RFX1: variants seen among roughly 807,000 people sequenced by gnomAD.
The protein encoded by RFX1 is MHC class II regulatory factor RFX1.
RFX1 carries 42 observed loss-of-function variants against 119.6 expected under a neutral mutation model. That is an observed-to-expected ratio of 0.35 (90% CI 0.27 to 0.45). The LOEUF is 0.45. Among genes scored for constraint, RFX1 ranks in the 20% least tolerant of loss-of-function variants. RFX1 has a pLI of 1.00. For missense variants in RFX1, 1,118 were observed against 1,368.1 expected (o/e 0.82, Z 2.88); for synonymous variants, 628 against 618.5 (o/e 1.02, Z -0.23).
intron 1 of RFX1, among the ~76,000 whole-genome samples, chr19:14,004,908 T>C (rs577727274): frequency 2.6e-5 from 4 of 152,254 alleles, no homozygotes; most frequent in Admixed American, 2.0e-4. Context: ...GATTCTCCTC[T>C]CACAAACATG....
intron 1 of RFX1, among the ~76,000 whole-genome samples, chr19:14,005,816 G>GC (rs1457731849): frequency 8.0e-6 from 1 of 124,520 alleles, no homozygotes; most frequent in Non-Finnish European, 1.7e-5. Context: ...CCCCAGGCCC[G>GC]CCCCTTCGCG....
rs918678404 is a variant in RFX1 at position 13,968,427 on chromosome 19, C to T, written c.1732+138G>A. On this transcript the variant is annotated intron_variant, in intron 12 of 20. Transcript: ENST00000254325. This position sits in a 1 kb window ranked among gnomAD's most constrained non-coding sequence, Gnocchi z 5.5. ...TGGACGGAGACTGTGATGTCTCCCC[C>T]ACCCCCTGCTGGTTCTCGGGCATCT... 7.3e-6 allele frequency: 5 copies of T among 688,714 alleles called. No individual in the cohort carries two copies. Among genetic ancestry groups the T allele is most frequent in the South Asian group, 1.6e-5 (1 of 61,288 alleles). The allele number at this position is 688,714 out of a possible 1,614,324, so 42.7% of individuals were successfully genotyped here.
rs989583527 is a variant in RFX1, at chr19:13,985,632, G to A, written c.320-2037C>T. On this transcript the variant is annotated intron_variant, in intron 2 of 20. Transcript: ENST00000254325. The surrounding 1 kb of genome is among the most constrained non-coding windows in gnomAD (Gnocchi z 4.3). Reference sequence around the variant, plus strand: ...CGAACCTCATACCACATATGGAACCGGAGTCACTGGTTCTGCCTGGGCTGC... The same window carrying A: ...CGAACCTCATACCACATATGGAACCAGAGTCACTGGTTCTGCCTGGGCTGC... Among the ~76,000 whole-genome samples the A allele has an allele frequency of 3.9e-5, 6 of 152,238 alleles. No homozygotes were observed. Among genetic ancestry groups the A allele is most frequent in the African/African-American group, 7.2e-5 (3 of 41,452 alleles).
In RFX1 at chr19:13,993,833, T is replaced by C. The variant is rs1974894722; in HGVS notation, c.11A>G (p.Gln4Arg). The C allele has an allele frequency of 1.9e-6, 3 of 1,546,580 alleles. No individual in the cohort carries two copies. The highest frequency in any genetic ancestry group is 2.6e-6 in the Non-Finnish European group (3 of 1,154,432). The change falls in exon 2 of 21, where the codon CAG becomes CGG. Residue 4 changes from glutamine (Q) to arginine (R), a missense_variant. Around this residue, in one of 5 missense-constraint regions of RFX1, gnomAD observed 542 missense variants for 602.7 expected, o/e 0.90. Transcript: ENST00000254325. ...GGCTGCCTGTAGCTCAGTATACGCC[T>C]GTGTTGCCATGCCAACGGTGGGGAA... MAT[Q>R]AYTELQAAPP... is the part of the protein sequence containing the mutation.
chr19:13,988,867 C>T (rs1389917886), intron 2 of RFX1, among the ~76,000 whole-genome samples: 7 of 151,972 alleles, frequency 4.6e-5, no homozygotes, highest in African/African-American at 1.5e-4. Flanking sequence ...CCAAAAAATA[C>T]AAAAATTACC....
Position 13,978,093 on chromosome 19 carries a change from C to T in RFX1, c.835-7G>A. 1 of 1,610,464 alleles carries T rather than the reference C, an allele frequency of 6.2e-7. No individual in the cohort carries two copies. The highest frequency in any genetic ancestry group is 8.5e-7 in the Non-Finnish European group (1 of 1,177,718). On this transcript the variant is annotated splice_polypyrimidine_tract_variant and splice_region_variant and intron_variant, in intron 7 of 20. Coordinates refer to ENST00000254325, the MANE Select transcript of RFX1 (RefSeq NM_002918.5). Reference sequence around the variant, plus strand: ...CCTGCTGGAGCTGCTGCACCTGGGGCAGAGGAAGGGCACGTGGAGGGTCAG... The same window carrying T: ...CCTGCTGGAGCTGCTGCACCTGGGGTAGAGGAAGGGCACGTGGAGGGTCAG...
intron 1 of RFX1, among the ~76,000 whole-genome samples, chr19:14,002,037 G>A (rs1012430772): frequency 2.0e-5 from 3 of 152,196 alleles, no homozygotes; most frequent in Non-Finnish European, 4.4e-5. Context: ...TCGGGAGGCT[G>A]AGGCAGGAGA....
intron 8 of RFX1, among the ~76,000 whole-genome samples, chr19:13,976,428 C>T (rs1342407157): frequency 3.9e-5 from 6 of 152,184 alleles, no homozygotes; most frequent in Non-Finnish European, 5.9e-5. Context: ...CATGGAGGAC[C>T]CCCGGCGAGG....
chr19:13,992,133 C>T (rs1974827039), intron 2 of RFX1, among the ~76,000 whole-genome samples: 3 of 152,146 alleles, frequency 2.0e-5, no homozygotes, highest in Admixed American at 2.0e-4. Flanking sequence ...CTCCGTCCAC[C>T]ACAGAGCACA....
chr19:13,979,427 T>G lies in RFX1; in HGVS notation c.834+20A>C. The G allele has an allele frequency of 6.6e-7, 1 of 1,512,884 alleles. No individual in the cohort carries two copies. Among genetic ancestry groups the G allele is most frequent in the East Asian group, 2.4e-5 (1 of 41,028 alleles). 93.7% of individuals were successfully genotyped at this position (1,512,884 alleles called of 1,614,324 possible). A position where few individuals can be genotyped will look rare whatever the true frequency, so the allele number is the denominator to read the frequency against. On this transcript the variant is annotated intron_variant, in intron 7 of 20. Transcript: ENST00000254325. The stretch of plus-strand genomic sequence containing the variant: ...GGGACCAGCCCCTTTGCCCGTGGGG[T>G]AGGAGGGGGAGACACACACCTCTTG...
At chr19:13,975,197 A>G (rs915996881) in intron 8 of RFX1, among the ~76,000 whole-genome samples, 1 of 151,950 alleles carries the variant, frequency 6.6e-6, no homozygotes, top group Non-Finnish European at 1.5e-5. Context: ...CTCTACTGAA[A>G]ATACAAAAAG....
intron 1 of RFX1, among the ~76,000 whole-genome samples, chr19:13,996,898 G>T (rs1394160612): frequency 6.6e-6 from 1 of 151,902 alleles, no homozygotes; most frequent in Non-Finnish European, 1.5e-5. Context: ...TAATTTTCGT[G>T]TTTTTAGTGG....
intron 1 of RFX1, among the ~76,000 whole-genome samples, chr19:13,997,062 G>A (rs1011175333): frequency 5.3e-5 from 8 of 149,570 alleles, no homozygotes; most frequent in East Asian, 3.9e-4. Flanking sequence ...GCATCTTGCC[G>A]GTCTTCCAAC....
At chr19:13,981,937 G>A (rs1397275293) in intron 5 of RFX1, among the ~76,000 whole-genome samples, 184 bp downstream of exon 5, 3 of 152,240 alleles carry the variant, frequency 2.0e-5, no homozygotes, top group Non-Finnish European at 4.4e-5. Flanking sequence ...CAGGAATTGG[G>A]CAGCTAAGCC....
chr19:14,000,564 A>G (rs1010062363), intron 1 of RFX1, among the ~76,000 whole-genome samples: 2 of 152,202 alleles, frequency 1.3e-5, no homozygotes, highest in Non-Finnish European at 2.9e-5. Flanking sequence ...TGGGAGTCCA[A>G]GATTGGAGGA....
intron 2 of RFX1, among the ~76,000 whole-genome samples, chr19:13,991,467 T>A (rs1264036999): frequency 6.6e-6 from 1 of 152,078 alleles, no homozygotes; most frequent in Non-Finnish European, 1.5e-5. Context: ...GGGCACTAAG[T>A]GTGGCGCTCA....
chr19:13,970,149 C>T lies in RFX1; in HGVS notation c.1341G>A (p.Glu447=), dbSNP rs767181663. ...ATVQWLLDNY[E]TAEGVSLPRS... ...GTGGCAGACTCACGCCCTCAGCCGT[C>T]TCATAGTTGTCCAGGAGCCACTGGA... Residue 447 remains glutamate, a synonymous_variant, in exon 10 of 21, where the codon GAG becomes GAA. Transcript: ENST00000254325. 30 of 1,612,146 alleles carry T rather than the reference C, an allele frequency of 1.9e-5. No homozygotes were observed. Among genetic ancestry groups the T allele is most frequent in the Non-Finnish European group, 2.4e-5 (28 of 1,178,952 alleles).
At position 13,969,716 on chromosome 19, in the gene RFX1, C is replaced by T. The variant is rs1197672046; in HGVS notation, c.1496+278G>A. 1.3e-5 allele frequency: 5 copies of T among 381,886 alleles called. No homozygotes were observed. Among genetic ancestry groups the T allele is most frequent in the Non-Finnish European group, 2.3e-5 (5 of 213,670 alleles). The allele number at this position is 381,886 out of a possible 1,614,324, so 23.7% of individuals were successfully genotyped here. On this transcript the variant is annotated intron_variant, in intron 10 of 20. Coordinates refer to ENST00000254325, the MANE Select transcript of RFX1 (RefSeq NM_002918.5). The surrounding 1 kb of genome is among the most constrained non-coding windows in gnomAD (Gnocchi z 4.5). ...CTGAATGCTAAAGAGAAAAATAAAG[C>T]AGGGTTGGGGGGTGTCGGGCAGGGG...
At position 13,993,838 on chromosome 19, in the gene RFX1, T is replaced by G; in HGVS notation, c.6A>C (p.Ala2=). 1 of 1,551,192 alleles carries G rather than the reference T, an allele frequency of 6.4e-7. No homozygotes were observed. The highest frequency in any genetic ancestry group is 8.6e-7 in the Non-Finnish European group (1 of 1,156,890). Residue 2 remains alanine, a synonymous_variant, in exon 2 of 21, where the codon GCA becomes GCC. Coordinates refer to ENST00000254325, the MANE Select transcript of RFX1 (RefSeq NM_002918.5). Reference sequence around the variant, plus strand: ...CCTGTAGCTCAGTATACGCCTGTGTTGCCATGCCAACGGTGGGGAAAATGA... The same window carrying G: ...CCTGTAGCTCAGTATACGCCTGTGTGGCCATGCCAACGGTGGGGAAAATGA... M[A]TQAYTELQAA...
Sources: gnomAD v4.1 joint callset for allele counts (sites outside exome capture counted in the v4.1 genomes callset) on GRCh38, gnomAD v4.1.1 for gene constraint, gnomAD v4.1.1 regional missense constraint, Gnocchi (gnomAD v3.1) non-coding constraint, MANE v1.5 for transcripts, NCBI Gene and HGNC (gene_info 2026-07-23, HGNC 2026-07-21) for gene names.